Variants in PHLPP1 observed in about 807,000 individuals in gnomAD.
The protein encoded by PHLPP1 is PH domain leucine-rich repeat-containing protein phosphatase 1.
PHLPP1 carries 42 observed loss-of-function variants against 117.2 expected under a neutral mutation model. That is an observed-to-expected ratio of 0.36 (90% CI 0.28 to 0.46). PHLPP1 has a LOEUF of 0.46. PHLPP1 is among the 20% of genes least tolerant of loss of function. The pLI is 1.00. For synonymous variants in PHLPP1, 1,042 were observed against 970.7 expected (o/e 1.07, Z -1.37); for missense variants, 2,084 against 2,241.9 (o/e 0.93, Z 1.42).
At chr18:62,925,621 T>A (rs1909606812) in intron 10 of PHLPP1, among the ~76,000 whole-genome samples, 1 of 150,364 alleles carries the variant, frequency 6.7e-6, no homozygotes, top group Non-Finnish European at 1.5e-5. Flanking sequence ...AGACAGATAT[T>A]TCTGGCATTT....
intron 1 of PHLPP1, among the ~76,000 whole-genome samples, chr18:62,772,830 C>CAAAAAAAAAAAAAAAAAAAAAAAAAAAA (rs59776161): frequency 1.6e-5 from 1 of 61,070 alleles, no homozygotes; most frequent in African/African-American, 7.2e-5. Context: ...GACTCTTTCT[C>CAAAAAAAAAAAAAAAAAAAAAAAAAAAA]AAAAAAAAAA....
chr18:62,801,505 T>G (rs1913782625), intron 1 of PHLPP1, among the ~76,000 whole-genome samples: 1 of 151,974 alleles, frequency 6.6e-6, no homozygotes, highest in Non-Finnish European at 1.5e-5. Context: ...CAGGCTGGAG[T>G]GCAATGGCGT....
At chr18:62,843,284 C>T (rs1344530966) in intron 3 of PHLPP1, among the ~76,000 whole-genome samples, 1 of 152,136 alleles carries the variant, frequency 6.6e-6, no homozygotes, top group East Asian at 1.9e-4. Flanking sequence ...TAACTGTCCC[C>T]ACTCCAGAGT....
At chr18:62,901,425 T>C (rs1056115458) in intron 6 of PHLPP1, among the ~76,000 whole-genome samples, 11 of 152,188 alleles carry the variant, frequency 7.2e-5, no homozygotes, top group Admixed American at 2.0e-4. Context: ...CTTAGGGCCA[T>C]TGGAAAAGGC....
At chr18:62,794,392 G>A (rs909791768) in intron 1 of PHLPP1, among the ~76,000 whole-genome samples, 18 of 149,996 alleles carry the variant, frequency 1.2e-4, no homozygotes, top group African/African-American at 3.7e-4. Context: ...TTTTAAGGCA[G>A]ATTCTCACTC....
At position 62,979,430 on chromosome 18, in the gene PHLPP1, G is replaced by T; in HGVS notation, c.5153G>T (p.Ter1718LeuextTer6). The T allele has an allele frequency of 6.4e-7, 1 of 1,550,416 alleles. No individual in the cohort carries two copies. Among genetic ancestry groups the T allele is most frequent in the South Asian group, 1.2e-5 (1 of 83,988 alleles). ...QLPDYYDTPL[*>L] ...CCAGATTATTACGACACGCCACTATGACCCAGCCGAGCTGTTTAACAAATA... is the reference window on the plus strand; with the variant it reads ...CCAGATTATTACGACACGCCACTATTACCCAGCCGAGCTGTTTAACAAATA... The change falls in exon 17 of 17, where the codon TGA becomes TTA. Residue 1718 changes from the stop codon to leucine (L), a stop_lost. Transcript: ENST00000262719.
intron 13 of PHLPP1, among the ~76,000 whole-genome samples, chr18:62,959,872 A>G (rs1406915652): frequency 1.3e-5 from 2 of 152,186 alleles, no homozygotes; most frequent in Non-Finnish European, 2.9e-5. Context: ...ACATAGTTGA[A>G]AAACACTGCC....
intron 3 of PHLPP1, among the ~76,000 whole-genome samples, chr18:62,851,826 A>G (rs1164184607): frequency 1.3e-5 from 2 of 151,568 alleles, no homozygotes; most frequent in Non-Finnish European, 2.9e-5. Context: ...TTGATTTGCT[A>G]TGTCATTACC....
intron 3 of PHLPP1, among the ~76,000 whole-genome samples, chr18:62,850,767 G>A (rs1320332218): frequency 6.6e-6 from 1 of 152,122 alleles, no homozygotes; most frequent in Admixed American, 6.6e-5. Context: ...AAAGCTGTTA[G>A]TGACATCTCC....
chr18:62,818,404 G>A (rs1262276491), intron 1 of PHLPP1, among the ~76,000 whole-genome samples: 4 of 152,078 alleles, frequency 2.6e-5, no homozygotes, highest in African/African-American at 7.2e-5. Flanking sequence ...GCGGATGCCT[G>A]TAGTCCCAGC....
At chr18:62,847,474 A>G (rs1307676466) in intron 3 of PHLPP1, among the ~76,000 whole-genome samples, 1 of 152,192 alleles carries the variant, frequency 6.6e-6, no homozygotes, top group Non-Finnish European at 1.5e-5. Flanking sequence ...TTAGTACTTT[A>G]AAATACTTGC....
intron 14 of PHLPP1, among the ~76,000 whole-genome samples, chr18:62,967,514 A>G (rs993179238): frequency 6.6e-6 from 1 of 151,786 alleles, no homozygotes; most frequent in Non-Finnish European, 1.5e-5. Flanking sequence ...TCATCCATAT[A>G]CCTTCTTTGG....
intron 10 of PHLPP1, among the ~76,000 whole-genome samples, chr18:62,940,332 C>T (rs2144451387): frequency 1.4e-5 from 2 of 145,970 alleles, no homozygotes; most frequent in East Asian, 3.9e-4. Context: ...ATATTTTATC[C>T]ACGTTTCTTT....
intron 11 of PHLPP1, 93 bp from the exon 12 acceptor site, chr18:62,945,016 A>G: frequency 1.0e-6 from 1 of 971,584 alleles, no homozygotes. Context: ...GACTGTTACA[A>G]ATGAATCCTT....
intron 10 of PHLPP1, among the ~76,000 whole-genome samples, chr18:62,929,151 C>T (rs1011218316): frequency 1.3e-5 from 2 of 151,782 alleles, no homozygotes; most frequent in African/African-American, 2.4e-5. Flanking sequence ...GAATTACGTC[C>T]CTATAAAGCT....
chr18:62,822,629 A>G (rs1402268557), intron 1 of PHLPP1, among the ~76,000 whole-genome samples: 1 of 152,082 alleles, frequency 6.6e-6, no homozygotes, highest in Non-Finnish European at 1.5e-5. Flanking sequence ...CTCCCCCTTA[A>G]GATCAGGAAA....
Position 62,978,821 on chromosome 18 carries a change from G to A in PHLPP1, c.4544G>A (p.Arg1515His), listed in dbSNP as rs185940406. ...AGCCCTGCCTACCCCAGTGAGCAGC[G>A]CTGCATGCTCCACCCCATCTGTCTG... Reference protein sequence around the residue: ...ENSPAYPSEQRCMLHPICLSN... With the variant: ...ENSPAYPSEQHCMLHPICLSN... The change falls in exon 17 of 17, where the codon CGC becomes CAC. Residue 1515 changes from arginine (R) to histidine (H), a missense_variant. Transcript: ENST00000262719. The surrounding 1 kb of genome is among the most constrained non-coding windows in gnomAD (Gnocchi z 7.0). The A allele has an allele frequency of 9.8e-4, 1,582 of 1,610,152 alleles. 2 individuals are homozygous for A. Among genetic ancestry groups the A allele is most frequent in the Non-Finnish European group, 1.3e-3 (1,501 of 1,178,264 alleles).
At position 62,920,091 on chromosome 18, in the gene PHLPP1, T is replaced by C. The variant is rs1173743722; in HGVS notation, c.2937T>C (p.Pro979=). 6 of 1,613,798 alleles carry C rather than the reference T, an allele frequency of 3.7e-6. No homozygotes were observed. Among genetic ancestry groups the C allele is most frequent in the Non-Finnish European group, 5.1e-6 (6 of 1,179,806 alleles). The change falls in exon 10 of 17, where the codon CCT becomes CCC. Residue 979 remains proline, a synonymous_variant. Coordinates refer to ENST00000262719, the MANE Select transcript of PHLPP1 (RefSeq NM_194449.4). ...VQHNQLLELP[P]NLLMKADSLR... ...ACAACCAGCTCCTTGAGCTCCCACCTAACCTTCTGATGAAGGCTGACAGGT... is the reference window on the plus strand; with the variant it reads ...ACAACCAGCTCCTTGAGCTCCCACCCAACCTTCTGATGAAGGCTGACAGGT...
intron 1 of PHLPP1, among the ~76,000 whole-genome samples, chr18:62,768,448 A>G (rs1489529501): frequency 6.6e-6 from 1 of 152,182 alleles, no homozygotes; most frequent in Non-Finnish European, 1.5e-5. Context: ...AGGCTATTTT[A>G]TATCTCTCTG....
Sources: gnomAD v4.1 joint callset for allele counts (sites outside exome capture counted in the v4.1 genomes callset) on GRCh38, gnomAD v4.1.1 for gene constraint, Gnocchi (gnomAD v3.1) non-coding constraint, MANE v1.5 for transcripts, NCBI Gene and HGNC (gene_info 2026-07-23, HGNC 2026-07-21) for gene names.